Variants in MBOAT7 observed in about 807,000 individuals in gnomAD.
MBOAT7 encodes membrane bound acylglycerophosphatidylinositol O-acyltransferase MBOAT7.
Under a neutral mutation model 47.4 loss-of-function variants are expected in MBOAT7, and 40 were observed. The ratio of observed to expected loss-of-function variants is 0.84; its 90% CI spans 0.66 to 1.10. The LOEUF (loss-of-function observed/expected upper bound fraction) is 1.10, where lower values mean the gene tolerates loss of function less well. Among genes scored for constraint, MBOAT7 ranks in the 50% least tolerant of loss-of-function variants. The pLI is 0.00. For missense variants in MBOAT7, 680 were observed against 655.6 expected, an observed-to-expected ratio of 1.04 and a Z score of -0.41; for synonymous variants, 361 against 292.0, an observed-to-expected ratio of 1.24 and a Z score of -2.41.
In MBOAT7 at chr19:54,180,667, G is replaced by T; in HGVS notation, c.854+106C>A. 9.1e-7 allele frequency: 1 copy of T among 1,098,590 alleles called. No homozygotes were observed. The highest frequency in any genetic ancestry group is 2.7e-5 in the East Asian group (1 of 37,272). 68.1% of individuals were successfully genotyped at this position (1,098,590 alleles called of 1,614,324 possible). On this transcript the variant is annotated intron_variant, in intron 6 of 7. Coordinates refer to ENST00000245615, the MANE Select transcript of MBOAT7 (RefSeq NM_024298.5). The surrounding 1 kb of genome is among the most constrained non-coding windows in gnomAD (Gnocchi z 5.2). The stretch of plus-strand genomic sequence containing the variant: ...GGGCGACACTCTGCTCAAAAAGGTG[G>T]TGGCCCTGGCCCCTTGCTCCCCGCT...
At chr19:54,175,130 C>T (rs535201262) in intron 7 of MBOAT7, among the ~76,000 whole-genome samples, 18 of 152,200 alleles carry the variant, frequency 1.2e-4, no homozygotes, top group East Asian at 5.8e-4. Flanking sequence ...CGCCTGCCAC[C>T]ACGCCCGGCT....
chr19:54,186,992 A>G (rs190448089), intron 4 of MBOAT7, 169 bp downstream of exon 4: 68 of 816,200 alleles, frequency 8.3e-5, no homozygotes, highest in Admixed American at 3.2e-4. Context: ...GACCTGCCCA[A>G]GGGCATGTGA....
chr19:54,177,912 T>G (rs1194808700), intron 7 of MBOAT7, among the ~76,000 whole-genome samples: 848 of 65,950 alleles, frequency 0.013, 20 homozygotes, highest in African/African-American at 0.029. Context: ...TTTTTTTTTT[T>G]TTTTTTTTTT....
At chr19:54,179,689 G>T (rs1196751203) in intron 6 of MBOAT7, 1 of 152,206 alleles carries the variant, frequency 6.6e-6, no homozygotes, top group African/African-American at 2.4e-5. Flanking sequence ...GCTTTACTAG[G>T]GGGACATCCT....
chr19:54,182,911 G>A (rs1015913920), intron 5 of MBOAT7, among the ~76,000 whole-genome samples: 2 of 152,120 alleles, frequency 1.3e-5, no homozygotes, highest in Non-Finnish European at 1.5e-5. Flanking sequence ...ATGTTGGCCA[G>A]GCTGGTCTCA....
chr19:54,185,104 A>G (rs1432420364), intron 4 of MBOAT7, among the ~76,000 whole-genome samples: 15 of 145,138 alleles, frequency 1.0e-4, no homozygotes, highest in East Asian at 4.2e-4. Context: ...CAGCTACTCG[A>G]GAGGCTGAGG....
At chr19:54,182,340 G>T (rs866504463) in intron 5 of MBOAT7, among the ~76,000 whole-genome samples, 9 of 152,246 alleles carry the variant, frequency 5.9e-5, no homozygotes, top group African/African-American at 2.2e-4. Context: ...TTTACAGATA[G>T]AAAGTCAATT....
At chr19:54,174,934 C>T (rs1405072981) in intron 7 of MBOAT7, among the ~76,000 whole-genome samples, 1 of 151,846 alleles carries the variant, frequency 6.6e-6, no homozygotes, top group Non-Finnish European at 1.5e-5. Flanking sequence ...CACTGCCCTT[C>T]CTCTCCCAGG....
intron 3 of MBOAT7, among the ~76,000 whole-genome samples, 182 bp downstream of exon 3, chr19:54,188,035 A>C (rs1057051479): frequency 3.6e-3 from 511 of 140,454 alleles, no homozygotes; most frequent in African/African-American, 9.4e-3. Context: ...GAAAGAAAGA[A>C]AGAAAGAAAG....
At chr19:54,181,633 G>A (rs1262760682) in intron 5 of MBOAT7, among the ~76,000 whole-genome samples, 16 of 123,910 alleles carry the variant, frequency 1.3e-4, no homozygotes, top group South Asian at 5.8e-4. Flanking sequence ...GAGGGAGGGA[G>A]GGAGGGAAGG....
Position 54,178,402 on chromosome 19 carries a change from G to A in MBOAT7, c.1031+363C>T. ...CTACCTATGAAACCAGTAATAAATAGCATTCACTCCATTCAACACTTGAGG... is the reference window on the plus strand; with the variant it reads ...CTACCTATGAAACCAGTAATAAATAACATTCACTCCATTCAACACTTGAGG... On this transcript the variant is annotated intron_variant, in intron 7 of 7. Transcript: ENST00000245615. 2.5e-6 allele frequency: 3 copies of A among 1,208,680 alleles called. No homozygotes were observed. In the South Asian group the frequency reaches 9.1e-5, roughly 37 times the overall value. 74.9% of individuals were successfully genotyped at this position (1,208,680 alleles called of 1,614,324 possible). A position where few individuals can be genotyped will look rare whatever the true frequency, so the allele number is the denominator to read the frequency against.
rs1221114904 is a variant in MBOAT7, at chr19:54,181,082, G to T, written c.545C>A (p.Pro182His). ...GGGCCGCAGGCTGGGCACTGCCCCG[G>T]GGAAGGGCTGCTCCAGCCAGTCCAG... is the stretch of plus-strand genomic sequence containing the variant. ...TYLDWLEQPF[P>H]GAVPSLRPLL... is the part of the protein sequence containing the mutation. The change falls in exon 6 of 8, where the codon CCC becomes CAC. Residue 182 changes from proline to histidine, a missense_variant. Pro to His is a moderately conservative substitution (Grantham distance 77, BLOSUM62 -2). Coordinates refer to ENST00000245615, the MANE Select transcript of MBOAT7 (RefSeq NM_024298.5). 2.6e-6 allele frequency: 4 copies of T among 1,524,270 alleles called. No individual in the cohort carries two copies. The highest frequency in any genetic ancestry group is 2.0e-4 in the Middle Eastern group (1 of 5,122). The allele number at this position is 1,524,270 out of a possible 1,614,324, so 94.4% of individuals were successfully genotyped here. A position where few individuals can be genotyped will look rare whatever the true frequency, so the allele number is the denominator to read the frequency against.
intron 5 of MBOAT7, among the ~76,000 whole-genome samples, chr19:54,181,681 A>AGGAC (rs2076277099): frequency 6.8e-5 from 6 of 87,694 alleles, no homozygotes; most frequent in African/African-American, 3.0e-4. Context: ...GAAGGAGGGA[A>AGGAC]GGAAGGAGGG....
intron 4 of MBOAT7, among the ~76,000 whole-genome samples, chr19:54,184,042 T>A (rs946520023): frequency 6.6e-6 from 1 of 152,144 alleles, no homozygotes; most frequent in African/African-American, 2.4e-5. Flanking sequence ...CGGAACATGA[T>A]GTTACCCACC....
At chr19:54,176,950 G>C (rs1249765170) in intron 7 of MBOAT7, among the ~76,000 whole-genome samples, 1 of 151,774 alleles carries the variant, frequency 6.6e-6, no homozygotes, top group Non-Finnish European at 1.5e-5. Flanking sequence ...GGCCGGGCAT[G>C]GTGACTCACG....
chr19:54,175,677 G>A (rs1450417954), intron 7 of MBOAT7, among the ~76,000 whole-genome samples: 1 of 152,198 alleles, frequency 6.6e-6, no homozygotes, highest in Non-Finnish European at 1.5e-5. Context: ...AGCCTCCCAA[G>A]TAGCTGGGAT....
chr19:54,178,098 G>A (rs967797568), intron 7 of MBOAT7, among the ~76,000 whole-genome samples: 2 of 150,890 alleles, frequency 1.3e-5, no homozygotes, highest in African/African-American at 4.9e-5. Flanking sequence ...TTTTAGTAGA[G>A]ACAGCATGTC....
intron 7 of MBOAT7, among the ~76,000 whole-genome samples, chr19:54,176,128 T>G (rs942089833): frequency 3.3e-5 from 5 of 152,220 alleles, no homozygotes; most frequent in Admixed American, 1.3e-4. Flanking sequence ...GTGCTGGGAT[T>G]ACAGGTCTGA....
chr19:54,180,721 C>T lies in MBOAT7; in HGVS notation c.854+52G>A, dbSNP rs2076237379. On this transcript the variant is annotated intron_variant, in intron 6 of 7. Coordinates refer to ENST00000245615, the MANE Select transcript of MBOAT7 (RefSeq NM_024298.5). This position sits in a 1 kb window ranked among gnomAD's most constrained non-coding sequence, Gnocchi z 5.2. ...CTCCCGGCTAGGGGCAGAGCCAGCC[C>T]TTGGAGGTGGGGGCTGCTGGGTCTT... 6.9e-7 allele frequency: 1 copy of T among 1,447,186 alleles called. No individual in the cohort carries two copies. The highest frequency in any genetic ancestry group is 1.4e-5 in the South Asian group (1 of 69,574). 89.6% of individuals were successfully genotyped at this position (1,447,186 alleles called of 1,614,324 possible).
Sources: gnomAD v4.1 joint callset for allele counts (sites outside exome capture counted in the v4.1 genomes callset) on GRCh38, gnomAD v4.1.1 for gene constraint, Gnocchi (gnomAD v3.1) non-coding constraint, MANE v1.5 for transcripts, NCBI Gene and HGNC (gene_info 2026-07-23, HGNC 2026-07-21) for gene names.